FAM234B: variants seen among roughly 807,000 people sequenced by gnomAD.
The protein encoded by FAM234B is protein FAM234B.
In FAM234B, 33 loss-of-function variants were observed where a neutral mutation model predicts 69.3. The observed-to-expected ratio is 0.48, with a 90% CI of 0.36 to 0.64. FAM234B has a LOEUF of 0.64. FAM234B is among the 30% of genes least tolerant of loss of function. The pLI, the probability that FAM234B is intolerant of heterozygous loss-of-function variation, is 0.00. For synonymous variants in FAM234B, 306 were observed against 306.9 expected, an observed-to-expected ratio of 1.00 and a Z score of 0.03; for missense variants, 697 against 769.7, an observed-to-expected ratio of 0.91 and a Z score of 1.12.
chr12:13,075,959 C>G, intron 10 of FAM234B, 67 bp from the exon 11 acceptor site: 1 of 1,128,826 alleles, frequency 8.9e-7, no homozygotes, highest in Non-Finnish European at 1.4e-6. Flanking sequence ...TGCCTTTTCA[C>G]CTGAGGACTG....
intron 1 of FAM234B, among the ~76,000 whole-genome samples, chr12:13,046,115 T>G (rs1260697411): frequency 6.6e-6 from 1 of 152,188 alleles, no homozygotes; most frequent in Non-Finnish European, 1.5e-5. Flanking sequence ...CATGTGTTCT[T>G]TCATGTGATG....
intron 1 of FAM234B, among the ~76,000 whole-genome samples, chr12:13,053,001 C>A (rs1864891274): frequency 6.6e-6 from 1 of 152,114 alleles, no homozygotes; most frequent in African/African-American, 2.4e-5. Context: ...TAATTTGGTT[C>A]ATGGAGTAGA....
At chr12:13,080,564 C>T in intron 12 of FAM234B, 61 bp from the exon 13 acceptor site, 3 of 1,410,730 alleles carry the variant, frequency 2.1e-6, no homozygotes, top group East Asian at 4.6e-5. Flanking sequence ...AGTTTTCCTG[C>T]TTTTCTTTGA....
At position 13,044,414 on chromosome 12, in the gene FAM234B, T is replaced by C. The variant is rs1318240185; in HGVS notation, c.11T>C (p.Val4Ala). 1 of 1,551,848 alleles carries C rather than the reference T, an allele frequency of 6.4e-7. No homozygotes were observed. Among genetic ancestry groups the C allele is most frequent in the South Asian group, 1.2e-5 (1 of 84,104 alleles). ...ACCGGGGCCTCAGCCATGGCGACCG[T>C]GCTGTCCAGGGCGCTCAAGCTGCCG... MAT[V>A]LSRALKLPGK... The change falls in exon 1 of 13, where the codon GTG (valine) becomes GCG (alanine). Residue 4 changes from valine to alanine, a missense_variant. Transcript: ENST00000197268. This position sits in a 1 kb window ranked among gnomAD's most constrained non-coding sequence, Gnocchi z 5.6.
Position 13,066,746 on chromosome 12 carries a change from A to G in FAM234B, c.959A>G (p.Tyr320Cys). The G allele has an allele frequency of 1.2e-6, 2 of 1,614,060 alleles. No individual in the cohort carries two copies. Among genetic ancestry groups the G allele is most frequent in the Non-Finnish European group, 1.7e-6 (2 of 1,179,968 alleles). Residue 320 changes from tyrosine to cysteine, a missense_variant, in exon 6 of 13, where the codon TAC (tyrosine) becomes TGC (cysteine). Physicochemically the swap from Tyr to Cys is radical, Grantham distance 194 (BLOSUM62 -2). This residue lies in a region of FAM234B where 380 missense variants were observed against 447.1 expected (regional missense o/e 0.85). Coordinates refer to ENST00000197268, the MANE Select transcript of FAM234B (RefSeq NM_020853.2). ...GVGNLIGPQVYITTNGAVYIL... is the reference protein window; with the variant it reads ...GVGNLIGPQVCITTNGAVYIL... ...GGGAATCTGATTGGTCCTCAGGTTT[A>G]CATCACCACAAATGGGGCTGTCTAC... is the stretch of plus-strand genomic sequence containing the variant.
rs1864785043 is a variant in FAM234B, at chr12:13,044,642, G to A, written c.37+202G>A. Among the ~76,000 whole-genome samples, 1 of 152,230 alleles carries A rather than the reference G, an allele frequency of 6.6e-6. No individual in the cohort carries two copies. Among genetic ancestry groups the A allele is most frequent in the Non-Finnish European group, 1.5e-5 (1 of 68,042 alleles). ...GAGAGGGGCGCCCAGCGGGGCAGGG[G>A]TCTCGGGCGCGGGGCGAACCCGGAG... is the stretch of plus-strand genomic sequence containing the variant. On this transcript the variant is annotated intron_variant, in intron 1 of 12. Transcript: ENST00000197268. This position sits in a 1 kb window ranked among gnomAD's most constrained non-coding sequence, Gnocchi z 5.6.
At position 13,079,871 on chromosome 12, in the gene FAM234B, G is replaced by A; in HGVS notation, c.1725G>A (p.Leu575=). The change falls in exon 12 of 13, where the codon CTG becomes CTA. Residue 575 remains leucine (L), a synonymous_variant. Transcript: ENST00000197268. ...GCTCCGAAGGCCATCCAGCAGCCCT[G>A]GTGGTCAGCAAGCTTAGTCTACGGT... The part of the protein sequence containing the change: ...GPSSEGHPAA[L]VVSKLSLRWA... 6.2e-6 allele frequency: 10 copies of A among 1,614,066 alleles called. No homozygotes were observed. The highest frequency in any genetic ancestry group is 8.5e-6 in the Non-Finnish European group (10 of 1,179,972).
intron 1 of FAM234B, among the ~76,000 whole-genome samples, chr12:13,053,894 C>T (rs1388735496): frequency 9.2e-5 from 14 of 152,154 alleles, no homozygotes; most frequent in Admixed American, 9.2e-4. Context: ...GGAATGCATT[C>T]CTTCCCCAGG....
chr12:13,065,119 A>G (rs1437324080), intron 5 of FAM234B, among the ~76,000 whole-genome samples: 2 of 152,204 alleles, frequency 1.3e-5, no homozygotes, highest in Non-Finnish European at 2.9e-5. Flanking sequence ...CCAGCTCCAG[A>G]AAATTCTGTC....
At chr12:13,054,305 A>G (rs964100899) in intron 1 of FAM234B, among the ~76,000 whole-genome samples, 1 of 152,230 alleles carries the variant, frequency 6.6e-6, no homozygotes, top group Non-Finnish European at 1.5e-5. Flanking sequence ...AAGAAATTAT[A>G]AAAGTATTAA....
At chr12:13,056,406 T>G (rs1262542395) in intron 2 of FAM234B, among the ~76,000 whole-genome samples, 1 of 152,238 alleles carries the variant, frequency 6.6e-6, no homozygotes, top group Non-Finnish European at 1.5e-5. Flanking sequence ...AGTTGCTATC[T>G]TTTCTTTCTT....
At chr12:13,066,828 C>A in intron 6 of FAM234B, 41 bp downstream of exon 6, 1 of 1,592,120 alleles carries the variant, frequency 6.3e-7, no homozygotes, top group South Asian at 1.2e-5. Context: ...TCCCCACTGG[C>A]ATTTGTGATG....
At chr12:13,045,357 G>A (rs1364186932) in intron 1 of FAM234B, among the ~76,000 whole-genome samples, 4 of 152,100 alleles carry the variant, frequency 2.6e-5, no homozygotes, top group Admixed American at 1.3e-4. Context: ...GCTCTACCTA[G>A]GTAAGTTTTA....
intron 1 of FAM234B, among the ~76,000 whole-genome samples, chr12:13,049,066 C>T (rs1864844282): frequency 6.6e-6 from 1 of 152,192 alleles, no homozygotes; most frequent in Admixed American, 6.5e-5. Flanking sequence ...TGGGTGGGGA[C>T]ACAGAGCCAA....
chr12:13,072,074 G>A (rs10772618), intron 10 of FAM234B, among the ~76,000 whole-genome samples: 38,443 of 152,018 alleles, frequency 0.25, 5,917 homozygotes, highest in East Asian at 0.57. Context: ...TGTGCCAGGC[G>A]CTGTGATCTC....
intron 1 of FAM234B, among the ~76,000 whole-genome samples, chr12:13,048,153 G>A (rs1050548276): frequency 1.3e-5 from 2 of 152,206 alleles, no homozygotes; most frequent in Non-Finnish European, 2.9e-5. Flanking sequence ...TTATATTTCG[G>A]TGATGTCATG....
chr12:13,052,486 A>C (rs1565506699), intron 1 of FAM234B, among the ~76,000 whole-genome samples: 1 of 152,158 alleles, frequency 6.6e-6, no homozygotes, highest in Admixed American at 6.5e-5. Flanking sequence ...AAAATTTACC[A>C]TCTTAACTAT....
rs1591600269 is a variant in FAM234B, at chr12:13,067,430, A to G, written c.1142+134A>G. On this transcript the variant is annotated intron_variant, in intron 7 of 12. Transcript: ENST00000197268. This position sits in a 1 kb window ranked among gnomAD's most constrained non-coding sequence, Gnocchi z 4.7. The stretch of plus-strand genomic sequence containing the variant: ...GAAACAGTGCTTATCTTAATTTACC[A>G]TCTTCTGATCTGGTTAACATGAGTT... 2.2e-6 allele frequency: 2 copies of G among 896,034 alleles called. No individual in the cohort carries two copies. Among genetic ancestry groups the G allele is most frequent in the Non-Finnish European group, 1.7e-6 (1 of 583,132 alleles). The allele number at this position is 896,034 out of a possible 1,614,324, so 55.5% of individuals were successfully genotyped here.
At chr12:13,066,950 C>A in intron 6 of FAM234B, 163 bp downstream of exon 6, 1 of 928,436 alleles carries the variant, frequency 1.1e-6, no homozygotes, top group Non-Finnish European at 1.6e-6. Flanking sequence ...AGGCTATTAA[C>A]TCTGCCTTCC....
Sources: allele counts gnomAD v4.1 joint callset (sites outside exome capture counted in the v4.1 genomes callset), GRCh38; gene constraint gnomAD v4.1.1; regional missense constraint gnomAD v4.1.1; non-coding constraint Gnocchi (gnomAD v3.1); transcripts MANE v1.5; gene names NCBI Gene and HGNC (gene_info 2026-07-23, HGNC 2026-07-21).